Variants in SCIN observed in about 807,000 individuals in gnomAD.
SCIN encodes adseverin.
In SCIN, 91 loss-of-function variants were observed where a neutral mutation model predicts 91.8. The observed-to-expected ratio is 0.99, with a 90% CI of 0.84 to 1.18. The LOEUF (loss-of-function observed/expected upper bound fraction) is 1.18. Among genes scored for constraint, SCIN ranks in the 50% most tolerant of loss-of-function variants. SCIN has a pLI of 0.00. For synonymous variants in SCIN, 367 were observed against 312.6 expected (o/e 1.17, Z -1.84); for missense variants, 1,087 against 863.9 (o/e 1.26, Z -3.24).
chr7:12,631,944 A>G (rs972981593), intron 9 of SCIN, among the ~76,000 whole-genome samples: 2 of 152,158 alleles, frequency 1.3e-5, no homozygotes, highest in African/African-American at 4.8e-5. Context: ...CATTTAGGGA[A>G]CAAAAGATAA....
intron 1 of SCIN, among the ~76,000 whole-genome samples, chr7:12,576,918 C>A (rs1369882069): frequency 6.6e-6 from 1 of 152,112 alleles, no homozygotes; most frequent in African/African-American, 2.4e-5. Flanking sequence ...TTTCTAGAGT[C>A]ATTTAAGATT....
In SCIN at chr7:12,651,821, G is replaced by C; in HGVS notation, c.1960-20G>C. Reference sequence around the variant, plus strand: ...CAACATCCCAGAAATCATACATATTGTTATTGTTTCATTTTTCAGATATTT... The same window carrying C: ...CAACATCCCAGAAATCATACATATTCTTATTGTTTCATTTTTCAGATATTT... On this transcript the variant is annotated intron_variant, in intron 14 of 15. Coordinates refer to ENST00000297029, the MANE Select transcript of SCIN (RefSeq NM_001112706.3). The surrounding 1 kb of genome is among the most constrained non-coding windows in gnomAD (Gnocchi z 5.9). The C allele has an allele frequency of 1.3e-6, 2 of 1,486,042 alleles. No homozygotes were observed. Among genetic ancestry groups the C allele is most frequent in the Admixed American group, 1.9e-5 (1 of 53,954 alleles). 92.1% of individuals were successfully genotyped at this position (1,486,042 alleles called of 1,614,324 possible).
chr7:12,573,374 G>A (rs1459828074), intron 1 of SCIN, among the ~76,000 whole-genome samples: 1 of 151,938 alleles, frequency 6.6e-6, no homozygotes, highest in Non-Finnish European at 1.5e-5. Flanking sequence ...CAAATGGGAG[G>A]CAAAAAGGGG....
chr7:12,571,276 C>T (rs1782264615), intron 1 of SCIN: 1 of 456,370 alleles, frequency 2.2e-6, no homozygotes, highest in Admixed American at 3.8e-5. Context: ...CTTCCCCTTT[C>T]ACCGTCAAGT....
At chr7:12,610,925 T>A (rs1783177674) in intron 4 of SCIN, 4 of 152,216 alleles carry the variant, frequency 2.6e-5, no homozygotes, top group Admixed American at 2.6e-4. Context: ...AAACTCTTCA[T>A]CTATGAATTA....
In SCIN at chr7:12,655,013, C is replaced by T. The variant is rs1784144193; in HGVS notation, c.*2298C>T. On this transcript the variant is annotated 3_prime_UTR_variant, in exon 16 of 16. Coordinates refer to ENST00000297029, the MANE Select transcript of SCIN (RefSeq NM_001112706.3). ...TGATATACGGTTTTTCTTCAGTATC[C>T]GCGGGAGATTGGCTCGAGGAACCCC... The T allele has an allele frequency of 6.6e-6, 1 of 152,070 alleles. No individual in the cohort carries two copies. Among genetic ancestry groups the T allele is most frequent in the African/African-American group, 2.4e-5 (1 of 41,394 alleles). The allele number at this position is 152,070 out of a possible 1,614,324, so 9.4% of individuals were successfully genotyped here.
intron 3 of SCIN, among the ~76,000 whole-genome samples, chr7:12,582,762 A>G (rs552867185): frequency 2.7e-4 from 41 of 152,160 alleles, no homozygotes; most frequent in African/African-American, 9.9e-4. Context: ...ACCACCCCCT[A>G]CACTATAAAT....
At chr7:12,647,082 T>G (rs1783979562) in intron 13 of SCIN, among the ~76,000 whole-genome samples, 1 of 152,226 alleles carries the variant, frequency 6.6e-6, no homozygotes, top group Admixed American at 6.5e-5. Context: ...CTTATTAGAA[T>G]TATTTATTAA....
At position 12,654,249 on chromosome 7, in the gene SCIN, T is replaced by C. The variant is rs1784132875; in HGVS notation, c.*1534T>C. On this transcript the variant is annotated 3_prime_UTR_variant, in exon 16 of 16. Coordinates refer to ENST00000297029, the MANE Select transcript of SCIN (RefSeq NM_001112706.3). Reference sequence around the variant, plus strand: ...GACTATGGTAGAAGCTGCTGTCCCTTAGTATTGAATATCTCTATTTTCTTT... The same window carrying C: ...GACTATGGTAGAAGCTGCTGTCCCTCAGTATTGAATATCTCTATTTTCTTT... 1 of 152,178 alleles carries C rather than the reference T, an allele frequency of 6.6e-6. No individual in the cohort carries two copies. Among genetic ancestry groups the C allele is most frequent in the Non-Finnish European group, 1.5e-5 (1 of 68,018 alleles). The allele number at this position is 152,178 out of a possible 1,614,324, so 9.4% of individuals were successfully genotyped here. A position where few individuals can be genotyped will look rare whatever the true frequency, so the allele number is the denominator to read the frequency against.
intron 1 of SCIN, among the ~76,000 whole-genome samples, chr7:12,573,156 T>G (rs1782302932): frequency 6.6e-6 from 1 of 152,184 alleles, no homozygotes; most frequent in Admixed American, 6.5e-5. Flanking sequence ...AAACAGAATT[T>G]CATCCAAAAT....
At chr7:12,605,776 A>G (rs752140705) in intron 4 of SCIN, among the ~76,000 whole-genome samples, 1 of 152,210 alleles carries the variant, frequency 6.6e-6, no homozygotes, top group Non-Finnish European at 1.5e-5. Flanking sequence ...TCTTATACCA[A>G]GAGATTAAAT....
At chr7:12,571,895 G>T (rs940974947) in intron 1 of SCIN, among the ~76,000 whole-genome samples, 2 of 152,118 alleles carry the variant, frequency 1.3e-5, no homozygotes, top group Non-Finnish European at 2.9e-5. Context: ...AGGAGGTCTT[G>T]TGCCAGTGGG....
chr7:12,589,737 T>C (rs1583282176), intron 3 of SCIN, among the ~76,000 whole-genome samples: 2 of 151,796 alleles, frequency 1.3e-5, no homozygotes, highest in East Asian at 3.9e-4. Flanking sequence ...CTTCGTGGGG[T>C]TTTGGGAGGG....
At position 12,606,970 on chromosome 7, in the gene SCIN, A is replaced by G. The variant is rs1783092363; in HGVS notation, c.666+2307A>G. 2.6e-5 allele frequency among the ~76,000 whole-genome samples: 4 copies of G among 152,330 alleles called. No homozygotes were observed. In the South Asian group the frequency reaches 8.3e-4, roughly 32 times the overall value. ...TGGGATCAACCATGTAAGTCTTCTA[A>G]CTTGGCATATTTGGAAGCAAAAATC... On this transcript the variant is annotated intron_variant, in intron 4 of 15. Coordinates refer to ENST00000297029, the MANE Select transcript of SCIN (RefSeq NM_001112706.3).
intron 10 of SCIN, among the ~76,000 whole-genome samples, chr7:12,638,529 T>C (rs754743261): frequency 7.2e-5 from 11 of 152,254 alleles, no homozygotes; most frequent in Admixed American, 1.3e-4. Flanking sequence ...TCCTCATTCC[T>C]GATGTCAAGG....
intron 13 of SCIN, among the ~76,000 whole-genome samples, chr7:12,646,300 C>G (rs1239367874): frequency 6.6e-6 from 1 of 152,192 alleles, no homozygotes; most frequent in Non-Finnish European, 1.5e-5. Flanking sequence ...AAGATTAAGG[C>G]AACAGCAGAT....
intron 3 of SCIN, among the ~76,000 whole-genome samples, chr7:12,585,300 CCTCA>C (rs1160351232): frequency 3.3e-5 from 5 of 152,138 alleles, no homozygotes; most frequent in African/African-American, 1.2e-4. Flanking sequence ...GCTTATCCAG[CCTCA>C]CTCCTCCCCT....
intron 3 of SCIN, among the ~76,000 whole-genome samples, chr7:12,601,861 C>T (rs1191057910): frequency 6.6e-6 from 1 of 152,196 alleles, no homozygotes; most frequent in Non-Finnish European, 1.5e-5. Flanking sequence ...TAATTTTCTA[C>T]ATCAGTATTT....
At chr7:12,578,307 G>C in intron 2 of SCIN, 89 bp downstream of exon 2, 1 of 1,223,452 alleles carries the variant, frequency 8.2e-7, no homozygotes, top group South Asian at 1.9e-5. Flanking sequence ...AGTTCGTTGA[G>C]GGCAGGGGTT....
Sources: allele counts gnomAD v4.1 joint callset (sites outside exome capture counted in the v4.1 genomes callset), GRCh38; gene constraint gnomAD v4.1.1; non-coding constraint Gnocchi (gnomAD v3.1); transcripts MANE v1.5; gene names NCBI Gene and HGNC (gene_info 2026-07-23, HGNC 2026-07-21).